Variants in RNMT observed in about 807,000 individuals in gnomAD.
RNMT encodes the protein mRNA cap guanine-N(7) methyltransferase.
RNMT carries 27 observed loss-of-function variants against 56.0 expected under a neutral mutation model. That is an observed-to-expected ratio of 0.48 (90% confidence interval 0.36 to 0.67). The LOEUF (loss-of-function observed/expected upper bound fraction) is 0.67, where lower values mean the gene tolerates loss of function less well. Ranked by LOEUF, RNMT falls within the 30% of genes least tolerant of loss-of-function variation. The probability of loss-of-function intolerance (pLI) is 0.00; values close to 1 mark genes in which losing one functional copy is unlikely to be tolerated. For missense variants in RNMT, 519 were observed against 552.1 expected (o/e 0.94, Z 0.60); for synonymous variants, 184 against 176.2 (o/e 1.04, Z -0.35).
rs987926189 is a variant in RNMT, at chr18:13,760,470, A to G, written c.*491A>G. On this transcript the variant is annotated 3_prime_UTR_variant, in exon 12 of 12. Transcript: ENST00000383314. ...GTGTTCAATATGTATTGCTGAAGTTATAAGTTTAAAACTCAATTTCAGATG... is the reference window on the plus strand; with the variant it reads ...GTGTTCAATATGTATTGCTGAAGTTGTAAGTTTAAAACTCAATTTCAGATG... 8 of 985,496 alleles carry G rather than the reference A, an allele frequency of 8.1e-6. No homozygotes were observed. Among genetic ancestry groups the G allele is most frequent in the Non-Finnish European group, 8.4e-6 (7 of 829,688 alleles). The allele number at this position is 985,496 out of a possible 1,614,324, so 61.0% of individuals were successfully genotyped here. A position where few individuals can be genotyped will look rare whatever the true frequency, so the allele number is the denominator to read the frequency against.
intron 9 of RNMT, 98 bp downstream of exon 9, chr18:13,746,435 G>A (rs2044353680): frequency 1.3e-6 from 1 of 756,814 alleles, no homozygotes; most frequent in Admixed American, 2.2e-5. Flanking sequence ...AAATAGTTAT[G>A]TGTATTACGC....
At chr18:13,757,781 G>A (rs548035435) in intron 11 of RNMT, among the ~76,000 whole-genome samples, 12 of 152,142 alleles carry the variant, frequency 7.9e-5, no homozygotes, top group Admixed American at 6.5e-4. Context: ...CTAGAATGGG[G>A]AATCATTTCC....
At chr18:13,739,004 C>T (rs2044210239) in intron 5 of RNMT, among the ~76,000 whole-genome samples, 1 of 152,182 alleles carries the variant, frequency 6.6e-6, no homozygotes, top group African/African-American at 2.4e-5. Context: ...TCCTAACAGG[C>T]CGTGGACCTG....
intron 9 of RNMT, among the ~76,000 whole-genome samples, chr18:13,749,354 C>T (rs913183044): frequency 5.9e-5 from 9 of 152,066 alleles, no homozygotes; most frequent in Admixed American, 2.0e-4. Flanking sequence ...TTCTTAGAGC[C>T]CTTTGTTGGG....
chr18:13,756,817 C>G (rs777918718), intron 11 of RNMT, among the ~76,000 whole-genome samples: 54 of 152,172 alleles, frequency 3.5e-4, no homozygotes, highest in Non-Finnish European at 7.1e-4. Context: ...GAAGTCATCT[C>G]AAGGAGTGAG....
At chr18:13,740,370 TA>T (rs545850248) in intron 6 of RNMT, 91 bp downstream of exon 6, 1 of 740,326 alleles carries the variant, frequency 1.4e-6, no homozygotes, top group African/African-American at 1.8e-5. Context: ...TTTACTTTTT[TA>T]AAAAAATTTA....
chr18:13,732,546 G>A (rs936280044), intron 3 of RNMT, among the ~76,000 whole-genome samples: 1 of 152,074 alleles, frequency 6.6e-6, no homozygotes, highest in African/African-American at 2.4e-5. Context: ...ATTTAGCAAA[G>A]ATATTATAGG....
At chr18:13,754,225 G>C in intron 11 of RNMT, 78 bp downstream of exon 11, 1 of 978,926 alleles carries the variant, frequency 1.0e-6, no homozygotes, top group Non-Finnish European at 1.6e-6. Flanking sequence ...CCTGAAAAAA[G>C]GCTGGGCACT....
At chr18:13,727,628 T>C (rs1303440059) in intron 1 of RNMT, among the ~76,000 whole-genome samples, 1 of 152,242 alleles carries the variant, frequency 6.6e-6, no homozygotes, top group African/African-American at 2.4e-5. Context: ...TTTAGCTATT[T>C]TGAACTACAC....
intron 9 of RNMT, among the ~76,000 whole-genome samples, chr18:13,747,219 ATT>A (rs5823270): frequency 3.3e-5 from 2 of 60,450 alleles, no homozygotes. Context: ...TTTTTTTCCT[ATT>A]TTTTTTTTTT....
At chr18:13,745,428 T>C (rs538763790) in intron 8 of RNMT, among the ~76,000 whole-genome samples, 2 of 152,218 alleles carry the variant, frequency 1.3e-5, no homozygotes, top group South Asian at 2.1e-4. Flanking sequence ...CTATTTGAAA[T>C]TGATGTTTTC....
At chr18:13,755,595 A>C (rs2044529257) in intron 11 of RNMT, among the ~76,000 whole-genome samples, 1 of 152,216 alleles carries the variant, frequency 6.6e-6, no homozygotes, top group Non-Finnish European at 1.5e-5. Context: ...GAAGAAGAGG[A>C]AAGGAGTCAA....
intron 8 of RNMT, among the ~76,000 whole-genome samples, chr18:13,743,309 C>T (rs1384453884): frequency 8.8e-5 from 11 of 125,536 alleles, no homozygotes; most frequent in African/African-American, 3.1e-4. Flanking sequence ...GGCGACAGAG[C>T]GAAACTCCGT....
In RNMT at chr18:13,762,273, A is replaced by T. The variant is rs2044630263; in HGVS notation, c.*2294A>T. On this transcript the variant is annotated 3_prime_UTR_variant, in exon 12 of 12. Coordinates refer to ENST00000383314, the MANE Select transcript of RNMT (RefSeq NM_003799.3). ...GATTGTGATTTAACCAAGAATGCTG[A>T]TGTTGAATTCTTTGGGCCTAGAATA... is the stretch of plus-strand genomic sequence containing the variant. The T allele has an allele frequency of 1.7e-6, 2 of 1,195,198 alleles. No individual in the cohort carries two copies. The highest frequency in any genetic ancestry group is 2.7e-5 in the Admixed American group (1 of 37,524). 74.0% of individuals were successfully genotyped at this position (1,195,198 alleles called of 1,614,324 possible).
intron 7 of RNMT, 135 bp from the exon 8 acceptor site, chr18:13,742,353 A>AT: frequency 2.9e-6 from 2 of 688,172 alleles, no homozygotes; most frequent in Non-Finnish European, 4.6e-6. Flanking sequence ...AAAAAAAAAA[A>AT]GGTAGCCCAG....
intron 8 of RNMT, among the ~76,000 whole-genome samples, chr18:13,743,275 A>G (rs2044283192): frequency 6.7e-6 from 1 of 150,044 alleles, no homozygotes; most frequent in Admixed American, 6.6e-5. Flanking sequence ...GTGAGTCGAG[A>G]TCGCGCCACT....
chr18:13,742,498 G>A lies in RNMT; in HGVS notation c.985G>A (p.Glu329Lys). The A allele has an allele frequency of 6.2e-7, 1 of 1,612,210 alleles. No individual in the cohort carries two copies. The highest frequency in any genetic ancestry group is 1.1e-5 in the South Asian group (1 of 90,406). The change falls in exon 8 of 12, where the codon GAA becomes AAA. Residue 329 changes from glutamate to lysine, a missense_variant. Glu to Lys is a moderately conservative substitution (Grantham distance 56). Coordinates refer to ENST00000383314, the MANE Select transcript of RNMT (RefSeq NM_003799.3). ...PNSFELIRRL[E>K]ASETESFGNE... ...GGATAACCTTGATAGAAGACGCCTTGAAGCTTCAGAAACAGAATCATTTGG... is the reference window on the plus strand; with the variant it reads ...GGATAACCTTGATAGAAGACGCCTTAAAGCTTCAGAAACAGAATCATTTGG...
At chr18:13,746,041 A>G (rs1036384156) in intron 8 of RNMT, among the ~76,000 whole-genome samples, 179 bp from the exon 9 acceptor site, 11 of 152,280 alleles carry the variant, frequency 7.2e-5, no homozygotes, top group Admixed American at 4.6e-4. Flanking sequence ...TTTAGAATGC[A>G]TGTTTCTTTT....
At chr18:13,743,814 G>T (rs551324019) in intron 8 of RNMT, among the ~76,000 whole-genome samples, 55 of 151,770 alleles carry the variant, frequency 3.6e-4, no homozygotes, top group Non-Finnish European at 6.0e-4. Flanking sequence ...TAGGGTTACA[G>T]TATTTTCAGG....
Sources: gnomAD v4.1 joint callset for allele counts (sites outside exome capture counted in the v4.1 genomes callset) on GRCh38, gnomAD v4.1.1 for gene constraint, MANE v1.5 for transcripts, NCBI Gene and HGNC (gene_info 2026-07-23, HGNC 2026-07-21) for gene names.